The following ASB3 variants were observed in gnomAD, a reference collection of about 807,000 sequenced individuals.
The protein encoded by ASB3 is ankyrin repeat and SOCS box protein 3.
In ASB3, 41 loss-of-function variants were observed where a neutral mutation model predicts 54.5. The ratio of observed to expected loss-of-function variants is 0.75; its 90% CI spans 0.59 to 0.98. ASB3 has a LOEUF of 0.98. Ranked by LOEUF, ASB3 falls within the 50% of genes least tolerant of loss-of-function variation. The pLI, the probability that ASB3 is intolerant of heterozygous loss-of-function variation, is 0.00. For missense variants in ASB3, 733 were observed against 620.0 expected, an observed-to-expected ratio of 1.18 and a Z score of -1.94; for synonymous variants, 266 against 221.2, an observed-to-expected ratio of 1.20 and a Z score of -1.80.
At chr2:53,758,132 A>G (rs1672939265) in intron 2 of ASB3, among the ~76,000 whole-genome samples, 1 of 152,226 alleles carries the variant, frequency 6.6e-6, no homozygotes, top group African/African-American at 2.4e-5. Context: ...TGATAACTGA[A>G]GGTCTTCTCT....
chr2:53,752,318 C>T (rs1027384860), intron 2 of ASB3, among the ~76,000 whole-genome samples: 2 of 152,124 alleles, frequency 1.3e-5, no homozygotes, highest in Admixed American at 1.3e-4. Flanking sequence ...ACAAATTAGG[C>T]ATGTGGACAC....
intron 6 of ASB3, 89 bp downstream of exon 6, chr2:53,716,477 T>C: frequency 6.8e-7 from 1 of 1,476,202 alleles, no homozygotes; most frequent in Non-Finnish European, 9.1e-7. Flanking sequence ...ATCAAAGACT[T>C]TGCCTAGAGG....
rs754679009 is a variant in ASB3 at position 53,700,493 on chromosome 2, T to G, written c.1016A>C (p.Lys339Thr). The change falls in exon 8 of 10, where the codon AAA (lysine) becomes ACA (threonine). Residue 339 changes from lysine (K) to threonine (T), a missense_variant. Transcript: ENST00000263634. ...AAGTTCATTTATCTGGGCTCCATATTTCAAAAGAATGTTCACAATTCCAAA... is the reference window on the plus strand; with the variant it reads ...AAGTTCATTTATCTGGGCTCCATATGTCAAAAGAATGTTCACAATTCCAAA... ...EFFGIVNILLKYGAQINELHL... is the reference protein window; with the variant it reads ...EFFGIVNILLTYGAQINELHL... 1.9e-6 allele frequency: 3 copies of G among 1,612,882 alleles called. No homozygotes were observed. The highest frequency in any genetic ancestry group is 2.5e-6 in the Non-Finnish European group (3 of 1,179,632).
At chr2:53,715,846 T>C (rs936983678) in intron 6 of ASB3, among the ~76,000 whole-genome samples, 1 of 152,124 alleles carries the variant, frequency 6.6e-6, no homozygotes, top group Non-Finnish European at 1.5e-5. Flanking sequence ...TAATGAATAT[T>C]TTACTATTAC....
intron 5 of ASB3, among the ~76,000 whole-genome samples, chr2:53,725,219 G>C (rs577953645): frequency 6.6e-6 from 1 of 152,210 alleles, no homozygotes; most frequent in African/African-American, 2.4e-5. Context: ...TTACTTATAA[G>C]TGGAGGCTAA....
chr2:53,707,109 G>A (rs867791533), intron 7 of ASB3, among the ~76,000 whole-genome samples: 14 of 152,280 alleles, frequency 9.2e-5, no homozygotes, highest in South Asian at 2.1e-4. Flanking sequence ...GCCATGCAGC[G>A]GACTTTTCTG....
At position 53,774,193 on chromosome 2, in the gene ASB3, G is replaced by A. The variant is rs768260163; in HGVS notation, c.-13-8608C>T. 1.5e-5 allele frequency: 24 copies of A among 1,613,316 alleles called. No homozygotes were observed. The South Asian group carries it at 2.6e-4, about 18-fold the overall frequency. ...ATTGCCAGTAGGAAAGGAAGAAGAA[G>A]TAAAAGCATACCTTGACTTCAGAGA... On this transcript the variant is annotated intron_variant, in intron 1 of 9. Transcript: ENST00000263634.
At chr2:53,770,208 A>G (rs1478569714) in intron 1 of ASB3, among the ~76,000 whole-genome samples, 2 of 152,200 alleles carry the variant, frequency 1.3e-5, no homozygotes, top group Admixed American at 6.5e-5. Context: ...ATGACACAAT[A>G]TTATGCAACT....
rs1553375161 is a variant in ASB3, at chr2:53,721,161, T to TAAAC, written c.605-4422_605-4419dup. Among the ~76,000 whole-genome samples the TAAAC allele has an allele frequency of 4.9e-4, 73 of 147,676 alleles. 1 individual carries two copies. Among genetic ancestry groups the TAAAC allele is most frequent in the South Asian group, 3.4e-3 (16 of 4,652 alleles). On this transcript the variant is annotated intron_variant, in intron 5 of 9. Coordinates refer to ENST00000263634, the MANE Select transcript of ASB3 (RefSeq NM_016115.5). ...ATAAATAAATAAATAAATAAATAAA[T>TAAAC]AAACTGAATTAATACCAACCATACT...
intron 3 of ASB3, among the ~76,000 whole-genome samples, chr2:53,739,228 T>C (rs1372202678): frequency 6.6e-6 from 1 of 152,134 alleles, no homozygotes; most frequent in African/African-American, 2.4e-5. Context: ...AACAGGAAAT[T>C]GAGAAACTAG....
intron 7 of ASB3, among the ~76,000 whole-genome samples, chr2:53,712,385 C>T (rs1013878413): frequency 1.3e-5 from 2 of 152,146 alleles, no homozygotes; most frequent in African/African-American, 4.8e-5. Flanking sequence ...GTGCTCTCTA[C>T]ATAACAAAAT....
chr2:53,705,603 A>G (rs1669726561), intron 7 of ASB3, among the ~76,000 whole-genome samples: 1 of 152,004 alleles, frequency 6.6e-6, no homozygotes, highest in African/African-American at 2.4e-5. Flanking sequence ...TAAATCTGTA[A>G]ATTTATATCT....
At chr2:53,694,136 G>T in intron 8 of ASB3, 122 bp from the exon 9 acceptor site, 1 of 1,112,342 alleles carries the variant, frequency 9.0e-7, no homozygotes, top group Non-Finnish European at 1.3e-6. Flanking sequence ...AGAAAACCAG[G>T]GCATGTTAAG....
intron 5 of ASB3, among the ~76,000 whole-genome samples, chr2:53,723,165 C>A (rs115930541): frequency 6.6e-6 from 1 of 151,972 alleles, no homozygotes; most frequent in Non-Finnish European, 1.5e-5. Context: ...AGGAGAACTA[C>A]AAAATACTAC....
chr2:53,719,608 TCCAACCTCACCATAAACTTCTCCC>T (rs1670589329), intron 5 of ASB3, among the ~76,000 whole-genome samples: 1 of 149,766 alleles, frequency 6.7e-6, no homozygotes, highest in Middle Eastern at 3.2e-3. Flanking sequence ...CCAGAGACAT[TCCAACCTCACCATAAACTTCTCCC>T]CCACACATAA....
At chr2:53,691,723 A>C (rs1668924139) in intron 9 of ASB3, among the ~76,000 whole-genome samples, 1 of 152,118 alleles carries the variant, frequency 6.6e-6, no homozygotes. Flanking sequence ...CCCAAGAGAG[A>C]CCTGAATTAT....
chr2:53,700,675 AT>A, intron 7 of ASB3, 147 bp from the exon 8 acceptor site: 1 of 1,221,074 alleles, frequency 8.2e-7, no homozygotes, highest in Non-Finnish European at 1.1e-6. Context: ...GTGGATTGAG[AT>A]TAGAGAATGT....
intron 9 of ASB3, among the ~76,000 whole-genome samples, chr2:53,673,673 T>C (rs1667936539): frequency 6.6e-6 from 1 of 152,158 alleles, no homozygotes; most frequent in Non-Finnish European, 1.5e-5. Context: ...TGACTCCCAG[T>C]CCAGGGTTCT....
intron 1 of ASB3, chr2:53,767,709 G>A (rs1673568995): frequency 4.3e-6 from 3 of 696,602 alleles, no homozygotes; most frequent in Non-Finnish European, 7.1e-6. Context: ...AAATAAAGCT[G>A]ACTGAGATCC....
Sources: allele counts gnomAD v4.1 joint callset (sites outside exome capture counted in the v4.1 genomes callset), GRCh38; gene constraint gnomAD v4.1.1; transcripts MANE v1.5; gene names NCBI Gene and HGNC (gene_info 2026-07-23, HGNC 2026-07-21).